Variants in TMCC1 observed in about 807,000 individuals in gnomAD.
The protein encoded by TMCC1 is transmembrane and coiled-coil domain family 1, also known as transmembrane and coiled-coil domains protein 1.
TMCC1 carries 15 observed loss-of-function variants against 52.4 expected under a neutral mutation model. That is an observed-to-expected ratio of 0.29 (90% CI 0.19 to 0.44). The LOEUF is 0.44. Ranked by LOEUF, TMCC1 falls within the 20% of genes least tolerant of loss-of-function variation. TMCC1 has a pLI of 1.00. For synonymous variants in TMCC1, 279 were observed against 301.9 expected (o/e 0.92, Z 0.79); for missense variants, 503 against 806.0 (o/e 0.62, Z 4.55).
rs148705047 is a variant in TMCC1, at chr3:129,765,245, A to G, written c.576+62558T>C. ...AAGGGTTTTAAGAATTCCATTAATT[A>G]GTAACTTAAGAAAACAGGCACAAAT... On this transcript the variant is annotated intron_variant, in intron 4 of 6. Coordinates refer to ENST00000393238, the MANE Select transcript of TMCC1 (RefSeq NM_001017395.5). 4.5e-3 allele frequency among the ~76,000 whole-genome samples: 687 copies of G among 152,180 alleles called. 3 individuals carry two copies. The highest frequency in any genetic ancestry group is 0.013 in the Admixed American group (204 of 15,292).
chr3:129,751,605 C>G (rs2052534186), intron 4 of TMCC1, among the ~76,000 whole-genome samples: 1 of 149,970 alleles, frequency 6.7e-6, no homozygotes, highest in African/African-American at 2.4e-5. Flanking sequence ...CTCTGTCACC[C>G]AGGCTGGAGT....
At chr3:129,768,690 G>C (rs1401172498) in intron 4 of TMCC1, among the ~76,000 whole-genome samples, 1 of 152,152 alleles carries the variant, frequency 6.6e-6, no homozygotes, top group Non-Finnish European at 1.5e-5. Flanking sequence ...ATATAACACT[G>C]CTATTTATTT....
At chr3:129,798,524 CAAAAAAAAAAAAA>C (rs796919072) in intron 4 of TMCC1, among the ~76,000 whole-genome samples, 1 of 67,900 alleles carries the variant, frequency 1.5e-5, no homozygotes, top group Non-Finnish European at 3.2e-5. Flanking sequence ...TCTTCCTATC[CAAAAAAAAAAAAA>C]AAAAAAAAAG....
rs575076002 is a variant in TMCC1, at chr3:129,761,766, G to A, written c.576+66037C>T. 1.0e-3 allele frequency among the ~76,000 whole-genome samples: 156 copies of A among 152,146 alleles called. 3 individuals carry two copies. The highest frequency in any genetic ancestry group is 1.0e-4 in the Non-Finnish European group (7 of 67,978). On this transcript the variant is annotated intron_variant, in intron 4 of 6. Transcript: ENST00000393238. ...TGCACTTTGGGACGCTGAGGCAGGC[G>A]GATCATCTGAGGTCAGGAGTTTGAG...
At position 129,835,753 on chromosome 3, in the gene TMCC1, T is replaced by C. The variant is rs1464873503; in HGVS notation, c.-183-2927A>G. Among the ~76,000 whole-genome samples the C allele has an allele frequency of 2.6e-5, 4 of 152,210 alleles. No homozygotes were observed. The South Asian group carries it at 6.2e-4, about 24-fold the overall frequency. On this transcript the variant is annotated intron_variant, in intron 2 of 6. Coordinates refer to ENST00000393238, the MANE Select transcript of TMCC1 (RefSeq NM_001017395.5). ...ATGCACAGACTATTTCATTCTGGAA[T>C]GGTGGACAGGTAACTGGTAACTAAT...
intron 2 of TMCC1, among the ~76,000 whole-genome samples, chr3:129,863,882 G>A (rs1359970851): frequency 6.6e-6 from 1 of 151,356 alleles, no homozygotes; most frequent in East Asian, 1.9e-4. Flanking sequence ...AAAGAATAAG[G>A]CTAAAAAAAA....
intron 4 of TMCC1, among the ~76,000 whole-genome samples, chr3:129,783,558 G>GAA (rs569014920): frequency 1.4e-5 from 2 of 146,086 alleles, no homozygotes; most frequent in Non-Finnish European, 1.5e-5. Flanking sequence ...CACCAAAATA[G>GAA]AAAAAAAAAA....
At chr3:129,822,749 G>C (rs1255931893) in intron 4 of TMCC1, among the ~76,000 whole-genome samples, 1 of 152,132 alleles carries the variant, frequency 6.6e-6, no homozygotes, top group Non-Finnish European at 1.5e-5. Context: ...CTTCAGGCAG[G>C]TTTTTAACAT....
In TMCC1 at chr3:129,862,497, C is replaced by G. The variant is rs560468607; in HGVS notation, c.-184+17812G>C. Among the ~76,000 whole-genome samples, 3 of 152,232 alleles carry G rather than the reference C, an allele frequency of 2.0e-5. No homozygotes were observed. The East Asian group carries it at 5.8e-4, about 29-fold the overall frequency. ...ACTTCTAAAATAAAAGGTGTATATA[C>G]AAATTAGGAAACAAGACATATAATA... On this transcript the variant is annotated intron_variant, in intron 2 of 6. Transcript: ENST00000393238.
intron 4 of TMCC1, among the ~76,000 whole-genome samples, chr3:129,805,309 C>T (rs537935313): frequency 1.6e-4 from 24 of 152,018 alleles, no homozygotes; most frequent in Non-Finnish European, 3.5e-4. Flanking sequence ...ATTGTGGGCA[C>T]AGGCCACCAC....
At chr3:129,660,162 T>G (rs923409578) in intron 5 of TMCC1, among the ~76,000 whole-genome samples, 3 of 152,184 alleles carry the variant, frequency 2.0e-5, no homozygotes, top group Non-Finnish European at 4.4e-5. Context: ...TGTTGTTGTT[T>G]GTTTGAGACA....
chr3:129,756,480 C>T (rs781515378), intron 4 of TMCC1, among the ~76,000 whole-genome samples: 7 of 152,070 alleles, frequency 4.6e-5, no homozygotes, highest in Non-Finnish European at 1.0e-4. Flanking sequence ...GTGGTTGCAA[C>T]CTTCGCCTCC....
At chr3:129,755,002 C>T (rs1444552974) in intron 4 of TMCC1, among the ~76,000 whole-genome samples, 3 of 152,086 alleles carry the variant, frequency 2.0e-5, no homozygotes, top group East Asian at 1.9e-4. Flanking sequence ...CACTTGAACC[C>T]GGGAGGCGGA....
In TMCC1 at chr3:129,648,856, A is replaced by G. The variant is rs2086171522; in HGVS notation, c.*2625T>C. ...CAGGATGGGCAGCAAAAGGTACAGC[A>G]AAGAATGAAAACAGATGCATGGTTA... On this transcript the variant is annotated 3_prime_UTR_variant, in exon 7 of 7. Transcript: ENST00000393238. The G allele has an allele frequency of 6.6e-6, 1 of 152,254 alleles. No homozygotes were observed. Among genetic ancestry groups the G allele is most frequent in the African/African-American group, 2.4e-5 (1 of 41,458 alleles). The allele number at this position is 152,254 out of a possible 1,614,324, so 9.4% of individuals were successfully genotyped here. A position where few individuals can be genotyped will look rare whatever the true frequency, so the allele number is the denominator to read the frequency against.
rs377758460 is a variant in TMCC1 at position 129,746,605 on chromosome 3, T to C, written c.577-75341A>G. On this transcript the variant is annotated intron_variant, in intron 4 of 6. Transcript: ENST00000393238. ...CTGCCTCACTTGTGCATTTGAATAA[T>C]AGGTGTTTTCCCCTAAAGGTATTGG... Among the ~76,000 whole-genome samples the C allele has an allele frequency of 4.6e-5, 7 of 152,338 alleles. No homozygotes were observed. In the East Asian group the frequency reaches 1.3e-3, roughly 29 times the overall value.
intron 4 of TMCC1, among the ~76,000 whole-genome samples, chr3:129,761,507 C>G (rs1422366926): frequency 6.6e-6 from 1 of 151,778 alleles, no homozygotes; most frequent in East Asian, 1.9e-4. Flanking sequence ...TTTCTGGGCT[C>G]GATTTAGTTT....
chr3:129,659,094 C>CT (rs902362203), intron 5 of TMCC1, among the ~76,000 whole-genome samples: 1,360 of 129,986 alleles, frequency 0.01, 15 homozygotes, highest in African/African-American at 0.015. Flanking sequence ...TTCTTTCTTT[C>CT]TTTTTTTTTT....
intron 4 of TMCC1, among the ~76,000 whole-genome samples, chr3:129,698,545 G>A (rs2047581442): frequency 6.6e-6 from 1 of 152,058 alleles, no homozygotes; most frequent in Admixed American, 6.6e-5. Context: ...CATTTTATTG[G>A]TTCTTTCATT....
chr3:129,781,015 C>T (rs2055479225), intron 4 of TMCC1, among the ~76,000 whole-genome samples: 1 of 152,164 alleles, frequency 6.6e-6, no homozygotes, highest in African/African-American at 2.4e-5. Flanking sequence ...CTGGCCATCA[C>T]AGATACAGAT....
Sources: allele counts gnomAD v4.1 joint callset (sites outside exome capture counted in the v4.1 genomes callset), GRCh38; gene constraint gnomAD v4.1.1; transcripts MANE v1.5; gene names NCBI Gene and HGNC (gene_info 2026-07-23, HGNC 2026-07-21).